Variants in HPSE2 observed in about 807,000 individuals in gnomAD.
The protein encoded by HPSE2 is heparanase 2 (inactive), also known as inactive heparanase-2.
Under a neutral mutation model 60.5 loss-of-function variants are expected in HPSE2, and 38 were observed. That is an observed-to-expected ratio of 0.63 (90% confidence interval 0.48 to 0.82). HPSE2 has a LOEUF of 0.82. HPSE2 is among the 40% of genes least tolerant of loss of function. The pLI is 0.00. For synonymous variants in HPSE2, 295 were observed against 293.2 expected (o/e 1.01, Z -0.06); for missense variants, 713 against 740.4 (o/e 0.96, Z 0.43).
chr10:99,225,124 T>C (rs925443169), intron 2 of HPSE2, among the ~76,000 whole-genome samples: 2 of 152,052 alleles, frequency 1.3e-5, no homozygotes, highest in African/African-American at 4.8e-5. Context: ...AAAATAAACA[T>C]AAATAAAACT....
chr10:99,122,904 T>C (rs1845014175), intron 3 of HPSE2, among the ~76,000 whole-genome samples: 1 of 152,078 alleles, frequency 6.6e-6, no homozygotes, highest in African/African-American at 2.4e-5. Flanking sequence ...CAAAACAGTA[T>C]ACCATTGGCA....
chr10:98,750,477 TG>T (rs1203082870), intron 3 of HPSE2, among the ~76,000 whole-genome samples: 2 of 152,048 alleles, frequency 1.3e-5, no homozygotes, highest in African/African-American at 4.8e-5. Context: ...CTGAAGGGGA[TG>T]GGAAGAGCAA....
At chr10:98,717,509 G>C (rs1267447016) in intron 5 of HPSE2, among the ~76,000 whole-genome samples, 1 of 152,080 alleles carries the variant, frequency 6.6e-6, no homozygotes, top group Non-Finnish European at 1.5e-5. Flanking sequence ...TCTTTCACTT[G>C]AGCACTCAGA....
chr10:98,614,886 T>C lies in HPSE2; in HGVS notation c.1320+18A>G, dbSNP rs1945861020. 6.7e-7 allele frequency: 1 copy of C among 1,492,424 alleles called. No individual in the cohort carries two copies. Among genetic ancestry groups the C allele is most frequent in the African/African-American group, 1.4e-5 (1 of 72,708 alleles). The allele number at this position is 1,492,424 out of a possible 1,614,324, so 92.4% of individuals were successfully genotyped here. A position where few individuals can be genotyped will look rare whatever the true frequency, so the allele number is the denominator to read the frequency against. The stretch of plus-strand genomic sequence containing the variant: ...AATGACATGGAAAAGGGATTGGGAA[T>C]CTTTATCCCACACTTACTGGTAATG... On this transcript the variant is annotated intron_variant, in intron 9 of 11. Coordinates refer to ENST00000370552, the MANE Select transcript of HPSE2 (RefSeq NM_021828.5).
At chr10:98,568,193 C>A (rs1203138296) in intron 9 of HPSE2, among the ~76,000 whole-genome samples, 2 of 152,164 alleles carry the variant, frequency 1.3e-5, no homozygotes, top group Admixed American at 1.3e-4. Context: ...ATCCTGTTGA[C>A]CCTGCTGAGA....
the HPSE2 span, among the ~76,000 whole-genome samples, chr10:99,276,364 A>T: frequency 0.88 from 133,632 of 152,182 alleles, 58,901 homozygotes; most frequent in African/African-American, 0.94. Context: ...TAGAAAAGTA[A>T]TAAAATTGCA....
chr10:98,623,965 T>C (rs912580015), intron 7 of HPSE2, among the ~76,000 whole-genome samples: 6 of 152,186 alleles, frequency 3.9e-5, no homozygotes, highest in Middle Eastern at 3.4e-3. Context: ...AGGGAGAATA[T>C]ATAAACATGA....
chr10:98,905,036 C>T (rs1590050070), intron 3 of HPSE2, among the ~76,000 whole-genome samples: 2 of 152,268 alleles, frequency 1.3e-5, no homozygotes, highest in African/African-American at 4.8e-5. Context: ...CCAGCTCTTA[C>T]ATACATGGGC....
chr10:99,266,946 G>T, the HPSE2 span, among the ~76,000 whole-genome samples: 1 of 152,174 alleles, frequency 6.6e-6, no homozygotes, highest in African/African-American at 2.4e-5. Context: ...CCTAGGGGAA[G>T]GGGGAGAATA....
At chr10:98,964,555 T>C (rs1021879677) in intron 3 of HPSE2, among the ~76,000 whole-genome samples, 3 of 152,116 alleles carry the variant, frequency 2.0e-5, no homozygotes, top group Admixed American at 1.3e-4. Context: ...CACCCACTAA[T>C]CACTCTACTC....
chr10:98,697,966 A>G lies in HPSE2; in HGVS notation c.957-4019T>C, dbSNP rs1184324401. Reference sequence around the variant, plus strand: ...TATCCTAAATATATATGCACCCAATACAGGAGCACCCAGATTCATAAAGCA... The same window carrying G: ...TATCCTAAATATATATGCACCCAATGCAGGAGCACCCAGATTCATAAAGCA... On this transcript the variant is annotated intron_variant, in intron 5 of 11. Transcript: ENST00000370552. Among the ~76,000 whole-genome samples the G allele has an allele frequency of 7.3e-5, 11 of 150,074 alleles. No homozygotes were observed. In the East Asian group the frequency reaches 2.1e-3, roughly 29 times the overall value.
intron 9 of HPSE2, among the ~76,000 whole-genome samples, chr10:98,604,284 G>A (rs1484129830): frequency 6.7e-6 from 1 of 148,482 alleles, no homozygotes; most frequent in African/African-American, 2.5e-5. Flanking sequence ...CAAGCAGAGA[G>A]ATGGATATCC....
chr10:98,511,421 A>G (rs560098745), intron 9 of HPSE2, among the ~76,000 whole-genome samples: 1 of 152,106 alleles, frequency 6.6e-6, no homozygotes, highest in Non-Finnish European at 1.5e-5. Context: ...AAGTGCGGGG[A>G]TTACAGGTGT....
At chr10:98,518,578 G>C (rs576381697) in intron 9 of HPSE2, among the ~76,000 whole-genome samples, 3 of 151,966 alleles carry the variant, frequency 2.0e-5, no homozygotes, top group Non-Finnish European at 4.4e-5. Flanking sequence ...CGTGGTGTGC[G>C]TGTCTGTAAT....
intron 11 of HPSE2, chr10:98,461,948 G>A: frequency 1.3e-6 from 1 of 741,258 alleles, no homozygotes. Flanking sequence ...AGTAGAACCA[G>A]GAAGCATGGT....
intron 7 of HPSE2, among the ~76,000 whole-genome samples, chr10:98,637,352 A>T (rs556063589): frequency 6.6e-6 from 1 of 152,344 alleles, no homozygotes; most frequent in Non-Finnish European, 1.5e-5. Context: ...GAAAAAGCAA[A>T]GAACAAGTTG....
intron 3 of HPSE2, among the ~76,000 whole-genome samples, chr10:99,106,579 TG>T (rs1335334659): frequency 2.0e-5 from 3 of 151,664 alleles, no homozygotes; most frequent in Non-Finnish European, 4.4e-5. Context: ...GTTGTTGAAT[TG>T]ACTTTGTTAG....
intron 3 of HPSE2, among the ~76,000 whole-genome samples, chr10:99,062,073 T>C (rs555041261): frequency 2.0e-5 from 3 of 152,324 alleles, no homozygotes; most frequent in Non-Finnish European, 4.4e-5. Context: ...CAAGAGGTTC[T>C]GCTTCAACTG....
At chr10:98,799,612 T>C (rs1262559337) in intron 3 of HPSE2, among the ~76,000 whole-genome samples, 1 of 151,942 alleles carries the variant, frequency 6.6e-6, no homozygotes, top group Non-Finnish European at 1.5e-5. Flanking sequence ...AATAAAACTA[T>C]AAATTAATAA....
Sources: allele counts gnomAD v4.1 joint callset (sites outside exome capture counted in the v4.1 genomes callset), GRCh38; gene constraint gnomAD v4.1.1; transcripts MANE v1.5; gene names NCBI Gene and HGNC (gene_info 2026-07-23, HGNC 2026-07-21).